TBC1D30: variants seen among roughly 807,000 people sequenced by gnomAD.
TBC1D30 encodes the protein TBC1 domain family member 30, also known as TBC1 domain family, member 30.
TBC1D30 carries 31 observed loss-of-function variants against 63.2 expected under a neutral mutation model. The ratio of observed to expected loss-of-function variants is 0.49; its 90% CI spans 0.37 to 0.66. The LOEUF (loss-of-function observed/expected upper bound fraction) is 0.66, where lower values mean the gene tolerates loss of function less well. TBC1D30 is among the 30% of genes least tolerant of loss of function. TBC1D30 has a pLI of 0.00. For missense variants in TBC1D30, 810 were observed against 953.6 expected, an observed-to-expected ratio of 0.85 and a Z score of 1.98; for synonymous variants, 307 against 361.5, an observed-to-expected ratio of 0.85 and a Z score of 1.71.
intron 2 of TBC1D30, among the ~76,000 whole-genome samples, chr12:64,807,857 T>C (rs952590937): frequency 6.6e-6 from 1 of 151,054 alleles, no homozygotes; most frequent in Admixed American, 6.6e-5. Context: ...GGAAGGCATC[T>C]TCCTGCCTCA....
chr12:64,814,192 G>A lies in TBC1D30; in HGVS notation c.644-13643G>A, dbSNP rs149136190. Among the ~76,000 whole-genome samples, 431 of 152,202 alleles carry A rather than the reference G, an allele frequency of 2.8e-3. 4 individuals carry two copies. The highest frequency in any genetic ancestry group is 9.1e-3 in the African/African-American group (377 of 41,526). ...CACCTGAGTACCTGGGATTACAGGCGAGTGCCACCACGTCTAGCTAACTTT... is the reference window on the plus strand; with the variant it reads ...CACCTGAGTACCTGGGATTACAGGCAAGTGCCACCACGTCTAGCTAACTTT... On this transcript the variant is annotated intron_variant, in intron 2 of 12. Coordinates refer to the TBC1D30 transcript ENST00000542120.
chr12:64,816,142 T>C (rs1202364492), intron 2 of TBC1D30, among the ~76,000 whole-genome samples: 1 of 152,070 alleles, frequency 6.6e-6, no homozygotes, highest in Non-Finnish European at 1.5e-5. Context: ...AAGCGATTCC[T>C]GTGCCTCAGC....
chr12:64,775,187 C>A (rs1459167711), intron 1 of TBC1D30, among the ~76,000 whole-genome samples: 1 of 151,684 alleles, frequency 6.6e-6, no homozygotes. Context: ...CTGTAGTACA[C>A]AAAGCAGTGA....
chr12:64,773,297 C>T (rs188058981), intron 1 of TBC1D30, among the ~76,000 whole-genome samples: 3 of 152,160 alleles, frequency 2.0e-5, no homozygotes, highest in African/African-American at 7.2e-5. Context: ...CCTCCAGCCA[C>T]CCCTGCCAGT....
chr12:64,799,177 G>A (rs1424208713), intron 2 of TBC1D30, among the ~76,000 whole-genome samples: 2 of 151,996 alleles, frequency 1.3e-5, no homozygotes, highest in Admixed American at 6.6e-5. Context: ...GGATGGGAGG[G>A]GGGCACATTG....
At chr12:64,828,908 A>G (rs1874596210) in intron 3 of TBC1D30, among the ~76,000 whole-genome samples, 2 of 152,038 alleles carry the variant, frequency 1.3e-5, no homozygotes, top group Non-Finnish European at 2.9e-5. Context: ...GAAGCCAGCC[A>G]TGCAAGTACC....
intron 1 of TBC1D30, among the ~76,000 whole-genome samples, chr12:64,763,215 C>T (rs1027116662): frequency 6.6e-6 from 1 of 152,196 alleles, no homozygotes; most frequent in Non-Finnish European, 1.5e-5. Flanking sequence ...CTCAGCCTCC[C>T]AAAGTGCTGG....
intron 1 of TBC1D30, among the ~76,000 whole-genome samples, chr12:64,770,710 T>TC (rs1870874969): frequency 6.9e-6 from 1 of 144,044 alleles, no homozygotes; most frequent in African/African-American, 2.7e-5. Flanking sequence ...TTTTTCTTCT[T>TC]TTTTTTTTTT....
chr12:64,813,386 T>TAACAAC (rs201967839), intron 2 of TBC1D30, among the ~76,000 whole-genome samples: 250 of 151,456 alleles, frequency 1.7e-3, no homozygotes, highest in Non-Finnish European at 3.0e-3. Context: ...CAAGAGTCCA[T>TAACAAC]AACAACAACA....
chr12:64,831,235 A>G (rs1016342608), intron 4 of TBC1D30, among the ~76,000 whole-genome samples: 1 of 152,204 alleles, frequency 6.6e-6, no homozygotes, highest in African/African-American at 2.4e-5. Flanking sequence ...AGGAAGTACT[A>G]ACTAAAATGA....
chr12:64,863,037 A>G (rs1358580219), intron 8 of TBC1D30, among the ~76,000 whole-genome samples: 4 of 152,236 alleles, frequency 2.6e-5, no homozygotes, highest in African/African-American at 9.6e-5. Flanking sequence ...AGAATTCTGC[A>G]GTGGCAGCGA....
intron 2 of TBC1D30, among the ~76,000 whole-genome samples, chr12:64,795,842 G>T (rs1872229822): frequency 6.8e-6 from 1 of 147,334 alleles, no homozygotes; most frequent in African/African-American, 2.5e-5. Context: ...TTACCCAGAT[G>T]TGCTTTTTCC....
At chr12:64,795,151 A>G (rs1592553533) in intron 2 of TBC1D30, among the ~76,000 whole-genome samples, 1 of 152,156 alleles carries the variant, frequency 6.6e-6, no homozygotes, top group African/African-American at 2.4e-5. Context: ...TTGAAGTGCC[A>G]TGTGGATGGG....
At chr12:64,842,046 C>A (rs879692915) in intron 7 of TBC1D30, among the ~76,000 whole-genome samples, 19 of 152,086 alleles carry the variant, frequency 1.2e-4, no homozygotes, top group Non-Finnish European at 2.4e-4. Context: ...ACAATACAAA[C>A]AACGTTGTCA....
chr12:64,793,654 C>A (rs1395174045), intron 2 of TBC1D30, among the ~76,000 whole-genome samples: 1 of 152,146 alleles, frequency 6.6e-6, no homozygotes, highest in African/African-American at 2.4e-5. Context: ...GAGCAAGACT[C>A]CATCTCTAAA....
chr12:64,776,518 T>C (rs920039424), upstream of TBC1D30, among the ~76,000 whole-genome samples: 1 of 152,098 alleles, frequency 6.6e-6, no homozygotes, highest in Admixed American at 6.6e-5. Flanking sequence ...AAGAAATGGA[T>C]AAATTTCTGG....
At chr12:64,861,479 T>C (rs957040207) in intron 8 of TBC1D30, among the ~76,000 whole-genome samples, 1 of 152,206 alleles carries the variant, frequency 6.6e-6, no homozygotes, top group Non-Finnish European at 1.5e-5. Flanking sequence ...GTCTTTATTT[T>C]TGAGCCGAAG....
At chr12:64,802,136 G>C (rs2136317616) in intron 2 of TBC1D30, among the ~76,000 whole-genome samples, 1 of 152,248 alleles carries the variant, frequency 6.6e-6, no homozygotes, top group East Asian at 1.9e-4. Context: ...CCCACGCCTA[G>C]CCCATTACAG....
intron 6 of TBC1D30, among the ~76,000 whole-genome samples, chr12:64,838,160 A>G (rs1207607345): frequency 6.6e-6 from 1 of 152,180 alleles, no homozygotes; most frequent in African/African-American, 2.4e-5. Context: ...TGTAATGTTT[A>G]TTCTCTATTT....
Sources: gnomAD v4.1 joint callset for allele counts (sites outside exome capture counted in the v4.1 genomes callset) on GRCh38, gnomAD v4.1.1 for gene constraint, MANE v1.5 for transcripts, NCBI Gene and HGNC (gene_info 2026-07-23, HGNC 2026-07-21) for gene names.